VWA3A: variants seen among roughly 807,000 people sequenced by gnomAD.
VWA3A encodes the protein von Willebrand factor A domain-containing protein 3A.
VWA3A carries 134 observed loss-of-function variants against 160.4 expected under a neutral mutation model. The ratio of observed to expected loss-of-function variants is 0.84; its 90% CI spans 0.73 to 0.96. The LOEUF (loss-of-function observed/expected upper bound fraction) is 0.96. VWA3A is among the 40% of genes least tolerant of loss of function. VWA3A has a pLI of 0.00. For missense variants in VWA3A, 1,310 were observed against 1,447.9 expected, an observed-to-expected ratio of 0.90 and a Z score of 1.55; for synonymous variants, 476 against 543.4, an observed-to-expected ratio of 0.88 and a Z score of 1.72.
In VWA3A at chr16:22,119,427, T is replaced by C. The variant is rs145783270; in HGVS notation, c.1116+400T>C. ...GGCTTACACCTGAAATCCCAGTGCTTTGGGAGGCCAAGGCCAGAGAATCGC... is the reference window on the plus strand; with the variant it reads ...GGCTTACACCTGAAATCCCAGTGCTCTGGGAGGCCAAGGCCAGAGAATCGC... On this transcript the variant is annotated intron_variant, in intron 12 of 33. Transcript: ENST00000389398. Among the ~76,000 whole-genome samples the C allele has an allele frequency of 3.6e-3, 553 of 152,248 alleles. 2 individuals are homozygous for C. Among genetic ancestry groups the C allele is most frequent in the Non-Finnish European group, 6.2e-3 (423 of 68,018 alleles).
At chr16:22,135,581 T>C (rs903949695) in intron 21 of VWA3A, among the ~76,000 whole-genome samples, 1 of 152,096 alleles carries the variant, frequency 6.6e-6, no homozygotes, top group Non-Finnish European at 1.5e-5. Context: ...GACCCAAGGC[T>C]TCAGAAGAAA....
chr16:22,107,584 A>C (rs1286229664), intron 6 of VWA3A, among the ~76,000 whole-genome samples: 2 of 152,072 alleles, frequency 1.3e-5, no homozygotes, highest in South Asian at 2.1e-4. Context: ...TCTACAAAAA[A>C]TTTTAAAAAA....
intron 27 of VWA3A, among the ~76,000 whole-genome samples, chr16:22,146,955 A>G (rs1336105419): frequency 6.6e-6 from 1 of 152,156 alleles, no homozygotes; most frequent in African/African-American, 2.4e-5. Flanking sequence ...TTGCTTTAAT[A>G]TTGACTGCGC....
intron 14 of VWA3A, among the ~76,000 whole-genome samples, chr16:22,122,695 C>T (rs903984714): frequency 6.6e-6 from 1 of 152,112 alleles, no homozygotes; most frequent in African/African-American, 2.4e-5. Flanking sequence ...GTCTAGGTTC[C>T]CAAACCTAAG....
At chr16:22,103,371 A>T (rs2045436046) in intron 5 of VWA3A, 104 bp from the exon 6 acceptor site, 4 of 609,540 alleles carry the variant, frequency 6.6e-6, no homozygotes, top group Non-Finnish European at 7.2e-6. Context: ...TATGCACATT[A>T]AAAAAAAAAA....
intron 6 of VWA3A, 91 bp from the exon 7 acceptor site, chr16:22,109,391 G>C: frequency 1.9e-6 from 2 of 1,064,502 alleles, no homozygotes; most frequent in South Asian, 2.7e-5. Context: ...GGTGAGGAAA[G>C]TGTTTGCATC....
At position 22,156,863 on chromosome 16, in the gene VWA3A, G is replaced by A. The variant is rs1224555136; in HGVS notation, c.*846G>A. 6.6e-6 allele frequency: 1 copy of A among 152,118 alleles called. No homozygotes were observed. Among genetic ancestry groups the A allele is most frequent in the Non-Finnish European group, 1.5e-5 (1 of 68,014 alleles). 9.4% of individuals were successfully genotyped at this position (152,118 alleles called of 1,614,324 possible). A position where few individuals can be genotyped will look rare whatever the true frequency, so the allele number is the denominator to read the frequency against. ...TAATAGGATCAACATGACTTTAACT[G>A]TTTGAAGTGATCATTGGCGTGTGTG... On this transcript the variant is annotated 3_prime_UTR_variant, in exon 34 of 34. Coordinates refer to ENST00000389398, the MANE Select transcript of VWA3A (RefSeq NM_173615.5).
At chr16:22,112,968 G>A (rs2045572647) in intron 8 of VWA3A, among the ~76,000 whole-genome samples, 2 of 152,180 alleles carry the variant, frequency 1.3e-5, no homozygotes, top group Admixed American at 1.3e-4. Flanking sequence ...AAGATGAAAT[G>A]AAAACAAAGT....
chr16:22,114,028 A>G (rs981105081), intron 8 of VWA3A, among the ~76,000 whole-genome samples: 9 of 145,322 alleles, frequency 6.2e-5, no homozygotes, highest in East Asian at 5.9e-4. Flanking sequence ...TGGCTTTGAG[A>G]AAAAAAAAAA....
chr16:22,144,522 C>T (rs1362081411), intron 26 of VWA3A, 138 bp downstream of exon 26: 1 of 1,261,234 alleles, frequency 7.9e-7, no homozygotes, highest in Non-Finnish European at 1.1e-6. Context: ...CTCCCCTCAC[C>T]AAATAGGAGA....
intron 22 of VWA3A, among the ~76,000 whole-genome samples, chr16:22,139,188 C>G (rs1162033270): frequency 1.3e-5 from 2 of 152,176 alleles, no homozygotes; most frequent in Admixed American, 6.5e-5. Flanking sequence ...TCCAGGAGAG[C>G]CTGTGCAGCC....
chr16:22,148,095 G>A, intron 27 of VWA3A, 67 bp from the exon 28 acceptor site: 1 of 1,497,912 alleles, frequency 6.7e-7, no homozygotes, highest in Non-Finnish European at 8.9e-7. Flanking sequence ...GATAGAGTGA[G>A]GGAAACCACC....
chr16:22,100,108 G>A (rs1368955243), intron 3 of VWA3A, 86 bp from the exon 4 acceptor site: 34 of 1,421,790 alleles, frequency 2.4e-5, no homozygotes, highest in Admixed American at 1.7e-4. Context: ...AGTCTGAGTT[G>A]GCGCCCGTTG....
At chr16:22,123,851 G>A (rs2045791484) in intron 16 of VWA3A, 144 bp downstream of exon 16, 1 of 729,260 alleles carries the variant, frequency 1.4e-6, no homozygotes, top group African/African-American at 1.8e-5. Context: ...ACCCCCAGAG[G>A]AGGAAAAAGT....
At chr16:22,128,243 G>A (rs186814626) in intron 17 of VWA3A, among the ~76,000 whole-genome samples, 77 of 152,234 alleles carry the variant, frequency 5.1e-4, no homozygotes, top group Non-Finnish European at 8.5e-4. Flanking sequence ...AAATACAATC[G>A]GGTTTGCGTC....
In VWA3A at chr16:22,112,601, C is replaced by T. The variant is rs143307944; in HGVS notation, c.689+1607C>T. ...CAGTGTGATGGCATGTGCCTATAGT[C>T]CCAGCTACTCGGGAGGCTAAGGTGG... On this transcript the variant is annotated intron_variant, in intron 8 of 33. Coordinates refer to ENST00000389398, the MANE Select transcript of VWA3A (RefSeq NM_173615.5). Among the ~76,000 whole-genome samples, 495 of 152,234 alleles carry T rather than the reference C, an allele frequency of 3.3e-3. 3 individuals are homozygous for T. The highest frequency in any genetic ancestry group is 0.011 in the African/African-American group (477 of 41,542).
intron 17 of VWA3A, among the ~76,000 whole-genome samples, chr16:22,126,664 T>C (rs981988270): frequency 2.0e-5 from 3 of 152,136 alleles, no homozygotes; most frequent in African/African-American, 7.2e-5. Context: ...CAGCAAGCCA[T>C]ACCTTTTCAA....
chr16:22,135,232 G>A (rs112695360), intron 21 of VWA3A, among the ~76,000 whole-genome samples: 1 of 142,658 alleles, frequency 7.0e-6, no homozygotes, highest in Admixed American at 7.0e-5. Context: ...TAGAGGAGCC[G>A]GCTAAAGTTC....
At chr16:22,107,920 C>G (rs921058509) in intron 6 of VWA3A, among the ~76,000 whole-genome samples, 1 of 152,130 alleles carries the variant, frequency 6.6e-6, no homozygotes, top group Admixed American at 6.6e-5. Flanking sequence ...AAAATATGGC[C>G]AGTGAAGAGA....
Sources: allele counts gnomAD v4.1 joint callset (sites outside exome capture counted in the v4.1 genomes callset), GRCh38; gene constraint gnomAD v4.1.1; transcripts MANE v1.5; gene names NCBI Gene and HGNC (gene_info 2026-07-23, HGNC 2026-07-21).